The following PRDM10 variants were observed in gnomAD, a reference collection of about 807,000 sequenced individuals.
PRDM10 encodes PR/SET domain 10.
Under a neutral mutation model 133.1 loss-of-function variants are expected in PRDM10, and 65 were observed. The observed-to-expected ratio is 0.49, with a 90% CI of 0.40 to 0.60. The LOEUF (loss-of-function observed/expected upper bound fraction) is 0.60, where lower values mean the gene tolerates loss of function less well. Among genes scored for constraint, PRDM10 ranks in the 20% least tolerant of loss-of-function variants. The pLI, the probability that PRDM10 is intolerant of heterozygous loss-of-function variation, is 0.00. For synonymous variants in PRDM10, 582 were observed against 580.4 expected (o/e 1.00, Z -0.04); for missense variants, 1,137 against 1,507.1 (o/e 0.75, Z 4.07).
At chr11:129,942,189 C>G (rs1044247429) in intron 7 of PRDM10, among the ~76,000 whole-genome samples, 2 of 152,202 alleles carry the variant, frequency 1.3e-5, no homozygotes, top group African/African-American at 4.8e-5. Context: ...AGCCACCATG[C>G]CCGGCTTCAC....
rs1187403068 is a variant in PRDM10, at chr11:129,937,674, C to A, written c.967-4G>T. On this transcript the variant is annotated splice_polypyrimidine_tract_variant and splice_region_variant and intron_variant, in intron 7 of 20. Transcript: ENST00000360871. ...CATAGGATGCGGCATACCACACCTG[C>A]AAGAAGCAAGTATATCATCAAGAAC... 4 of 1,611,828 alleles carry A rather than the reference C, an allele frequency of 2.5e-6. No homozygotes were observed. In the Admixed American group the frequency reaches 5.0e-5, roughly 20 times the overall value.
Position 129,961,037 on chromosome 11 carries a change from C to T in PRDM10, c.-73G>A. On this transcript the variant is annotated 5_prime_UTR_variant, in exon 2 of 21. Coordinates refer to ENST00000360871, the MANE Select transcript of PRDM10 (RefSeq NM_199437.2). The stretch of plus-strand genomic sequence containing the variant: ...AGGGTACAGGACAGTCATCTGTCTA[C>T]CACACGTGTGTTCATGAAGGACGGA... 1 of 1,410,088 alleles carries T rather than the reference C, an allele frequency of 7.1e-7. No individual in the cohort carries two copies. The highest frequency in any genetic ancestry group is 1.0e-6 in the Non-Finnish European group (1 of 1,001,378). 87.3% of individuals were successfully genotyped at this position (1,410,088 alleles called of 1,614,324 possible). A position where few individuals can be genotyped will look rare whatever the true frequency, so the allele number is the denominator to read the frequency against.
In PRDM10 at chr11:129,961,916, T is replaced by G. The variant is rs1395276713; in HGVS notation, c.-118-834A>C. ...TTAAAATTAGTTGTCGTGAGGAGAA[T>G]GAGTTTCTCAGATGCCAAATGCAGG... On this transcript the variant is annotated intron_variant, in intron 1 of 20. Transcript: ENST00000360871. 3.9e-5 allele frequency among the ~76,000 whole-genome samples: 6 copies of G among 152,146 alleles called. No individual in the cohort carries two copies. The East Asian group carries it at 7.7e-4, about 20-fold the overall frequency.
At chr11:129,933,094 G>A (rs1211024050) in intron 9 of PRDM10, among the ~76,000 whole-genome samples, 1 of 152,196 alleles carries the variant, frequency 6.6e-6, no homozygotes, top group East Asian at 1.9e-4. Flanking sequence ...CTTAATAAAA[G>A]AGGCTTAAAA....
intron 1 of PRDM10, among the ~76,000 whole-genome samples, chr11:129,993,116 C>T (rs531201184): frequency 1.3e-5 from 2 of 152,186 alleles, no homozygotes; most frequent in African/African-American, 4.8e-5. Flanking sequence ...CCCTACTGTT[C>T]AACATCCAAC....
intron 1 of PRDM10, among the ~76,000 whole-genome samples, chr11:129,988,201 A>G (rs1938533287): frequency 6.6e-6 from 1 of 152,156 alleles, no homozygotes; most frequent in Admixed American, 6.5e-5. Flanking sequence ...TTGCCTAGGG[A>G]TTAGGAGGAG....
intron 4 of PRDM10, among the ~76,000 whole-genome samples, chr11:129,951,245 A>G (rs2135898784): frequency 6.6e-6 from 1 of 152,364 alleles, no homozygotes; most frequent in Non-Finnish European, 1.5e-5. Flanking sequence ...AGGTGATGTT[A>G]CAACGCTCCT....
At chr11:129,955,382 G>T in intron 4 of PRDM10, 130 bp downstream of exon 4, 1 of 762,694 alleles carries the variant, frequency 1.3e-6, no homozygotes, top group South Asian at 2.4e-5. Context: ...TTTCATTAAA[G>T]GAGCTGGAGA....
chr11:129,968,615 C>T (rs930755124), intron 1 of PRDM10, among the ~76,000 whole-genome samples: 4 of 151,372 alleles, frequency 2.6e-5, no homozygotes, highest in Non-Finnish European at 4.4e-5. Context: ...TACCCCCTCA[C>T]TACCCACCAG....
At chr11:129,997,218 C>T (rs1591711166) in intron 1 of PRDM10, among the ~76,000 whole-genome samples, 1 of 152,200 alleles carries the variant, frequency 6.6e-6, no homozygotes, top group Non-Finnish European at 1.5e-5. Context: ...GTGGCTCACA[C>T]CTGTAATCCC....
chr11:129,912,489 CG>C, intron 17 of PRDM10, among the ~76,000 whole-genome samples: 1 of 152,170 alleles, frequency 6.6e-6, no homozygotes, highest in East Asian at 1.9e-4. Flanking sequence ...CCGTGGCTCA[CG>C]CCTGTAATCC....
rs576001085 is a variant in PRDM10 at position 129,913,142 on chromosome 11, T to C, written c.2842-917A>G. 2.2e-5 allele frequency among the ~76,000 whole-genome samples: 3 copies of C among 137,266 alleles called. No homozygotes were observed. The South Asian group carries it at 6.9e-4, about 31-fold the overall frequency. 90.1% of individuals were successfully genotyped at this position (137,266 alleles called of 152,430 possible). On this transcript the variant is annotated intron_variant, in intron 17 of 20. Coordinates refer to ENST00000360871, the MANE Select transcript of PRDM10 (RefSeq NM_199437.2). ...CTGAGGTGGGAGGAATATCTGAGCC[T>C]GGGAGGCGGAGGTTGCAGTGAGCCA...
In PRDM10 at chr11:129,917,224, G is replaced by A. The variant is rs1950385709; in HGVS notation, c.2228C>T (p.Ser743Leu). Reference sequence around the variant, plus strand: ...TATCTTCATGTCTGGGTGTCTCTTCGATAAGTGATTTACCTAAAGGGAAAA... The same window carrying A: ...TATCTTCATGTCTGGGTGTCTCTTCAATAAGTGATTTACCTAAAGGGAAAA... ...RRRGMLVNHLSKRHPDMKIEE... is the reference protein window; with the variant it reads ...RRRGMLVNHLLKRHPDMKIEE... Residue 743 changes from serine (S) to leucine (L), a missense_variant, in exon 15 of 21, where the codon TCG (serine) becomes TTG (leucine). Around this residue, in one of 6 missense-constraint regions of PRDM10, gnomAD observed 65 missense variants for 151.1 expected, o/e 0.43. Transcript: ENST00000360871. 1.2e-6 allele frequency: 2 copies of A among 1,611,434 alleles called. No homozygotes were observed. The highest frequency in any genetic ancestry group is 1.3e-5 in the African/African-American group (1 of 74,950).
At chr11:129,971,039 G>A (rs1427867534) in intron 1 of PRDM10, among the ~76,000 whole-genome samples, 2 of 151,990 alleles carry the variant, frequency 1.3e-5, no homozygotes, top group Admixed American at 1.3e-4. Flanking sequence ...CTCTTAAGGT[G>A]GCACGTCTGG....
At chr11:129,996,441 GA>G (rs1352364446) in intron 1 of PRDM10, among the ~76,000 whole-genome samples, 1 of 152,152 alleles carries the variant, frequency 6.6e-6, no homozygotes, top group Non-Finnish European at 1.5e-5. Context: ...CCTGACACAG[GA>G]AAGTTATATT....
chr11:129,932,489 A>G (rs536384031), intron 9 of PRDM10, among the ~76,000 whole-genome samples: 1 of 152,308 alleles, frequency 6.6e-6, no homozygotes, highest in South Asian at 2.1e-4. Flanking sequence ...CACTGACAAT[A>G]TTTTGCTTCT....
chr11:129,984,023 G>C (rs1168642196), intron 1 of PRDM10, among the ~76,000 whole-genome samples: 1 of 152,156 alleles, frequency 6.6e-6, no homozygotes, highest in African/African-American at 2.4e-5. Flanking sequence ...TTCTGCCTTG[G>C]AATGAACTTT....
intron 1 of PRDM10, among the ~76,000 whole-genome samples, chr11:129,974,723 A>G (rs1431630867): frequency 6.6e-6 from 1 of 152,174 alleles, no homozygotes; most frequent in Admixed American, 6.5e-5. Context: ...TGAAGACACG[A>G]ACGGCACCTC....
rs1211763571 is a variant in PRDM10, at chr11:129,927,038, T to A, written c.1531-1809A>T. On this transcript the variant is annotated intron_variant, in intron 11 of 20. Transcript: ENST00000360871. ...CTGGCCAACATGGTAAAACCCTGTC[T>A]CTACCAAAAATACAAAAATTAGCCA... is the stretch of plus-strand genomic sequence containing the variant. 2.6e-5 allele frequency among the ~76,000 whole-genome samples: 4 copies of A among 152,000 alleles called. No individual in the cohort carries two copies. In the South Asian group the frequency reaches 6.2e-4, roughly 24 times the overall value.
Sources: allele counts gnomAD v4.1 joint callset (sites outside exome capture counted in the v4.1 genomes callset), GRCh38; gene constraint gnomAD v4.1.1; regional missense constraint gnomAD v4.1.1; transcripts MANE v1.5; gene names NCBI Gene and HGNC (gene_info 2026-07-23, HGNC 2026-07-21).